The following CDH19 variants were observed in gnomAD, a reference collection of about 807,000 sequenced individuals.
CDH19 encodes the protein cadherin-19.
CDH19 carries 67 observed loss-of-function variants against 64.2 expected under a neutral mutation model. The ratio of observed to expected loss-of-function variants is 1.04; its 90% CI spans 0.86 to 1.28. CDH19 has a LOEUF of 1.28. CDH19 is among the 50% of genes most tolerant of loss of function. The pLI is 0.00. For synonymous variants in CDH19, 346 were observed against 319.3 expected (o/e 1.08, Z -0.89); for missense variants, 1,030 against 929.0 (o/e 1.11, Z -1.41).
intron 1 of CDH19, among the ~76,000 whole-genome samples, chr18:66,602,284 C>G (rs1989055542): frequency 6.6e-6 from 1 of 151,808 alleles, no homozygotes; most frequent in Non-Finnish European, 1.5e-5. Context: ...ATGCTAAGAT[C>G]ATGAGTGGCA....
chr18:66,593,067 T>G (rs971783635), intron 1 of CDH19, among the ~76,000 whole-genome samples: 1 of 151,890 alleles, frequency 6.6e-6, no homozygotes. Context: ...ACAGTATTTT[T>G]TTTTAGACTT....
At chr18:66,542,660 A>ATGAACAGC (rs1986934649) in intron 7 of CDH19, among the ~76,000 whole-genome samples, 1 of 152,128 alleles carries the variant, frequency 6.6e-6, no homozygotes, top group Non-Finnish European at 1.5e-5. Flanking sequence ...CCCAACCCCC[A>ATGAACAGC]AGGCCATGAA....
At chr18:66,563,884 C>T (rs1599018758) in intron 3 of CDH19, among the ~76,000 whole-genome samples, 1 of 151,832 alleles carries the variant, frequency 6.6e-6, no homozygotes, top group South Asian at 2.1e-4. Context: ...TTTGACACCT[C>T]TACTTTTTAT....
At chr18:66,554,313 T>C (rs1022479412) in intron 4 of CDH19, 92 bp downstream of exon 4, 2 of 1,257,450 alleles carry the variant, frequency 1.6e-6, no homozygotes, top group East Asian at 2.4e-5. Context: ...ATATCAGGAC[T>C]ACTGTAAAAC....
intron 1 of CDH19, among the ~76,000 whole-genome samples, chr18:66,575,448 T>C (rs1024440436): frequency 2.0e-5 from 3 of 151,870 alleles, no homozygotes; most frequent in Non-Finnish European, 4.4e-5. Context: ...GAAGGGACTG[T>C]GTCCTTGACT....
At chr18:66,520,131 G>T (rs1056747863) in intron 9 of CDH19, among the ~76,000 whole-genome samples, 1 of 152,100 alleles carries the variant, frequency 6.6e-6, no homozygotes, top group Non-Finnish European at 1.5e-5. Context: ...GTTGCAGTGA[G>T]CCGAGATTGC....
At chr18:66,534,556 C>A (rs111436529) in intron 8 of CDH19, among the ~76,000 whole-genome samples, 1 of 151,646 alleles carries the variant, frequency 6.6e-6, no homozygotes, top group African/African-American at 2.4e-5. Context: ...GAAATGACTT[C>A]GATATTTTAT....
rs1408747339 is a variant in CDH19, at chr18:66,594,508, C to T, written c.-113+9446G>A. ...CACATGCTCTAAAATCAACCACACACTTGGCCATAAAGCAATTCTCAACAT... is the reference window on the plus strand; with the variant it reads ...CACATGCTCTAAAATCAACCACACATTTGGCCATAAAGCAATTCTCAACAT... On this transcript the variant is annotated intron_variant, in intron 1 of 11. Transcript: ENST00000262150. Among the ~76,000 whole-genome samples, 3 of 151,986 alleles carry T rather than the reference C, an allele frequency of 2.0e-5. No individual in the cohort carries two copies. The East Asian group carries it at 5.8e-4, about 29-fold the overall frequency.
At chr18:66,537,002 T>C (rs1986699686) in intron 7 of CDH19, among the ~76,000 whole-genome samples, 1 of 151,934 alleles carries the variant, frequency 6.6e-6, no homozygotes, top group Non-Finnish European at 1.5e-5. Flanking sequence ...TTTACAATAA[T>C]TTTGGACTTA....
chr18:66,516,712 T>G (rs1254557551), intron 9 of CDH19, among the ~76,000 whole-genome samples: 1 of 152,056 alleles, frequency 6.6e-6, no homozygotes, highest in East Asian at 1.9e-4. Context: ...TGAGATTGGA[T>G]GAAGGAAAGT....
chr18:66,563,614 G>T (rs1987802020), intron 3 of CDH19, among the ~76,000 whole-genome samples: 1 of 151,900 alleles, frequency 6.6e-6, no homozygotes, highest in African/African-American at 2.4e-5. Context: ...AGGTATATCT[G>T]CTCACTCCTT....
At chr18:66,559,884 A>G (rs1987657547) in intron 3 of CDH19, among the ~76,000 whole-genome samples, 1 of 152,128 alleles carries the variant, frequency 6.6e-6, no homozygotes, top group Non-Finnish European at 1.5e-5. Context: ...AAAAATAAAA[A>G]AATACACAGC....
At chr18:66,556,782 C>G (rs1283668458) in intron 3 of CDH19, among the ~76,000 whole-genome samples, 1 of 151,858 alleles carries the variant, frequency 6.6e-6, no homozygotes, top group Non-Finnish European at 1.5e-5. Flanking sequence ...CGAAGACACA[C>G]ACAAATAAAT....
chr18:66,505,266 C>T lies in CDH19; in HGVS notation c.1865G>A (p.Arg622Lys). ...TTTCTCAGGAAATAGAATCTGTTTT[C>T]TCCGTTGTTTTAAACCCAAAGTCAA... ...IFLTLGLKQRRKQILFPEKSE... is the reference protein window; with the variant it reads ...IFLTLGLKQRKKQILFPEKSE... Residue 622 changes from arginine to lysine, a missense_variant, in exon 12 of 12, where the codon AGA becomes AAA. Coordinates refer to ENST00000262150, the MANE Select transcript of CDH19 (RefSeq NM_021153.4). 1 of 1,583,336 alleles carries T rather than the reference C, an allele frequency of 6.3e-7. No individual in the cohort carries two copies. The highest frequency in any genetic ancestry group is 8.5e-7 in the Non-Finnish European group (1 of 1,169,810).
intron 3 of CDH19, among the ~76,000 whole-genome samples, chr18:66,555,951 C>A (rs1471077239): frequency 2.0e-5 from 3 of 151,656 alleles, no homozygotes; most frequent in Non-Finnish European, 4.4e-5. Flanking sequence ...CAAAATCATA[C>A]CATTTTCAGA....
chr18:66,589,178 T>C (rs1988669118), intron 1 of CDH19, among the ~76,000 whole-genome samples: 1 of 151,392 alleles, frequency 6.6e-6, no homozygotes, highest in Non-Finnish European at 1.5e-5. Flanking sequence ...TCAAACATTA[T>C]GTTAGTTAAC....
At chr18:66,590,057 CAAAT>C (rs1156522546) in intron 1 of CDH19, among the ~76,000 whole-genome samples, 3 of 151,770 alleles carry the variant, frequency 2.0e-5, no homozygotes, top group Non-Finnish European at 2.9e-5. Context: ...AATATGTAGA[CAAAT>C]AAGGGTTAGT....
intron 1 of CDH19, among the ~76,000 whole-genome samples, chr18:66,583,070 G>C (rs1055333422): frequency 1.4e-4 from 22 of 151,998 alleles, no homozygotes; most frequent in Admixed American, 6.6e-5. Context: ...GTATGCTCCT[G>C]TATTGAAGAT....
chr18:66,518,563 G>T (rs773950849), intron 9 of CDH19, among the ~76,000 whole-genome samples: 3 of 151,966 alleles, frequency 2.0e-5, no homozygotes, highest in Non-Finnish European at 1.5e-5. Flanking sequence ...GGGTTTCTTA[G>T]CATCAAATGA....
Sources: gnomAD v4.1 joint callset for allele counts (sites outside exome capture counted in the v4.1 genomes callset) on GRCh38, gnomAD v4.1.1 for gene constraint, MANE v1.5 for transcripts, NCBI Gene and HGNC (gene_info 2026-07-23, HGNC 2026-07-21) for gene names.